The following PDE4D variants were observed in gnomAD, a reference collection of about 807,000 sequenced individuals.
PDE4D encodes the protein 3',5'-cyclic-AMP phosphodiesterase 4D.
PDE4D carries 24 observed loss-of-function variants against 87.4 expected under a neutral mutation model. That is an observed-to-expected ratio of 0.27 (90% CI 0.20 to 0.39). The LOEUF (loss-of-function observed/expected upper bound fraction) is 0.39. PDE4D is among the 10% of genes least tolerant of loss of function. The probability of loss-of-function intolerance (pLI) is 1.00; values close to 1 mark genes in which losing one functional copy is unlikely to be tolerated. For missense variants in PDE4D, 714 were observed against 1,041.0 expected, an observed-to-expected ratio of 0.69 and a Z score of 4.32; for synonymous variants, 384 against 383.2, an observed-to-expected ratio of 1.00 and a Z score of -0.02.
chr5:59,932,588 T>A (rs1353294544), intron 3 of PDE4D, among the ~76,000 whole-genome samples: 1 of 152,142 alleles, frequency 6.6e-6, no homozygotes, highest in East Asian at 1.9e-4. Context: ...AGTTTGTACT[T>A]TGTACTTCAA....
At chr5:60,103,622 C>G (rs887386233) in intron 2 of PDE4D, among the ~76,000 whole-genome samples, 1 of 152,116 alleles carries the variant, frequency 6.6e-6, no homozygotes, top group Non-Finnish European at 1.5e-5. Context: ...AAGGAAGAAG[C>G]AGCTCCATGG....
intron 1 of PDE4D, among the ~76,000 whole-genome samples, chr5:60,259,808 G>A (rs779006804): frequency 1.6e-4 from 24 of 152,072 alleles, no homozygotes; most frequent in Admixed American, 3.9e-4. Flanking sequence ...AAAGGTACAC[G>A]TGGAATGCAT....
intron 11 of PDE4D, among the ~76,000 whole-genome samples, chr5:58,987,642 TGAAA>T (rs33911877): frequency 0.82 from 123,540 of 151,552 alleles, 50,504 homozygotes; most frequent in Admixed American, 0.88. Context: ...CAAGCAAAAA[TGAAA>T]GAAAGGTGGA....
At chr5:59,394,953 T>A (rs947018954) in intron 1 of PDE4D, among the ~76,000 whole-genome samples, 3 of 151,972 alleles carry the variant, frequency 2.0e-5, no homozygotes, top group Non-Finnish European at 4.4e-5. Context: ...CCTTTCCTAA[T>A]CAAAGAAAGG....
At chr5:59,612,061 C>G (rs2150072118) in intron 1 of PDE4D, among the ~76,000 whole-genome samples, 1 of 152,234 alleles carries the variant, frequency 6.6e-6, no homozygotes, top group African/African-American at 2.4e-5. Context: ...AAAACTTCTT[C>G]CTATAAGCTT....
chr5:60,324,173 G>T (rs1756565111), intron 1 of PDE4D, among the ~76,000 whole-genome samples: 2 of 152,066 alleles, frequency 1.3e-5, no homozygotes, highest in Non-Finnish European at 2.9e-5. Context: ...ATTTTTGTTG[G>T]GTGAATGAAC....
intron 2 of PDE4D, among the ~76,000 whole-genome samples, chr5:60,103,523 C>A (rs898414030): frequency 6.6e-6 from 1 of 152,188 alleles, no homozygotes; most frequent in Non-Finnish European, 1.5e-5. Context: ...CAGGCCCCAA[C>A]ATGAGCCAAA....
At chr5:60,385,308 A>G (rs1472577147) in intron 1 of PDE4D, among the ~76,000 whole-genome samples, 2 of 152,218 alleles carry the variant, frequency 1.3e-5, no homozygotes, top group Non-Finnish European at 2.9e-5. Flanking sequence ...GTGAGACTCA[A>G]TGTCACCGGG....
intron 3 of PDE4D, chr5:59,986,985 G>A (rs1314321442): frequency 1.3e-5 from 2 of 152,154 alleles, no homozygotes; most frequent in Non-Finnish European, 2.9e-5. Flanking sequence ...ACTCTTGGAA[G>A]CTTATGTTTG....
intron 1 of PDE4D, among the ~76,000 whole-genome samples, chr5:59,437,066 G>A (rs1796897093): frequency 6.6e-6 from 1 of 152,128 alleles, no homozygotes; most frequent in African/African-American, 2.4e-5. Context: ...TTAGCTACTG[G>A]TAATCTTATC....
chr5:60,121,833 C>T (rs1360465574), intron 2 of PDE4D, among the ~76,000 whole-genome samples: 3 of 152,178 alleles, frequency 2.0e-5, no homozygotes, highest in African/African-American at 7.2e-5. Context: ...AGTCAACAGT[C>T]CAAAGTCTCA....
intron 1 of PDE4D, chr5:60,460,405 T>C (rs902069594): frequency 2.6e-6 from 3 of 1,151,504 alleles, no homozygotes; most frequent in Non-Finnish European, 2.6e-6. Context: ...TGCCTCTTCA[T>C]CCTCCTCCAG....
intron 5 of PDE4D, among the ~76,000 whole-genome samples, chr5:59,081,379 T>C (rs1424750668): frequency 6.6e-6 from 1 of 152,064 alleles, no homozygotes; most frequent in Non-Finnish European, 1.5e-5. Flanking sequence ...AGTTATGCTT[T>C]CTATAATTAT....
intron 1 of PDE4D, among the ~76,000 whole-genome samples, chr5:59,844,698 A>G (rs1156956851): frequency 2.6e-5 from 4 of 152,078 alleles, no homozygotes; most frequent in Non-Finnish European, 1.5e-5. Context: ...CATGTCCTAT[A>G]TGATCTCCTT....
chr5:60,317,244 A>G (rs534117509), intron 1 of PDE4D, among the ~76,000 whole-genome samples: 18 of 152,072 alleles, frequency 1.2e-4, no homozygotes, highest in Admixed American at 1.2e-3. Context: ...GACTTGATCC[A>G]TTTCTTCTAG....
intron 1 of PDE4D, among the ~76,000 whole-genome samples, chr5:59,857,814 T>C (rs1581449888): frequency 6.9e-6 from 1 of 143,956 alleles, no homozygotes; most frequent in East Asian, 2.1e-4. Flanking sequence ...ATGATAAGAA[T>C]TGAAGAAATA....
chr5:59,873,898 T>C (rs1320417534), intron 1 of PDE4D, among the ~76,000 whole-genome samples: 1 of 152,190 alleles, frequency 6.6e-6, no homozygotes, highest in Non-Finnish European at 1.5e-5. Flanking sequence ...TTTCTATTGT[T>C]AATAATTGCA....
chr5:59,665,050 C>A (rs913717260), intron 1 of PDE4D, among the ~76,000 whole-genome samples: 1 of 152,162 alleles, frequency 6.6e-6, no homozygotes, highest in Admixed American at 6.5e-5. Context: ...AGTGACATGT[C>A]CCCCTGAAAT....
At position 59,068,025 on chromosome 5, in the gene PDE4D, T is replaced by C. The variant is rs565936870; in HGVS notation, c.809-29054A>G. Among the ~76,000 whole-genome samples the C allele has an allele frequency of 1.1e-4, 17 of 152,328 alleles. No homozygotes were observed. The East Asian group carries it at 2.9e-3, about 26-fold the overall frequency. On this transcript the variant is annotated intron_variant, in intron 5 of 14. Transcript: ENST00000340635. ...TAAGACTATCGTAATGAAGTTCAATTGTAGATCTTGAAGTGACAAAACATG... is the reference window on the plus strand; with the variant it reads ...TAAGACTATCGTAATGAAGTTCAATCGTAGATCTTGAAGTGACAAAACATG...
Sources: allele counts gnomAD v4.1 joint callset (sites outside exome capture counted in the v4.1 genomes callset), GRCh38; gene constraint gnomAD v4.1.1; transcripts MANE v1.5; gene names NCBI Gene and HGNC (gene_info 2026-07-23, HGNC 2026-07-21).